The following DSCAML1 variants were observed in gnomAD, a reference collection of about 807,000 sequenced individuals.
The protein encoded by DSCAML1 is DS cell adhesion molecule like 1.
DSCAML1 carries 38 observed loss-of-function variants against 200.5 expected under a neutral mutation model. The observed-to-expected ratio is 0.19, with a 90% CI of 0.15 to 0.25. The LOEUF is 0.25. DSCAML1 is among the 10% of genes least tolerant of loss of function. DSCAML1 has a pLI of 1.00. For missense variants in DSCAML1, 2,223 were observed against 2,858.8 expected (o/e 0.78, Z 5.07); for synonymous variants, 1,215 against 1,165.0 (o/e 1.04, Z -0.87).
At chr11:117,582,161 C>T (rs926111250) in intron 3 of DSCAML1, among the ~76,000 whole-genome samples, 2 of 152,230 alleles carry the variant, frequency 1.3e-5, no homozygotes, top group African/African-American at 4.8e-5. Context: ...CAGAATCAGC[C>T]TGGTTTCTTC....
chr11:117,593,370 G>C (rs1374714512), intron 3 of DSCAML1, among the ~76,000 whole-genome samples: 1 of 152,240 alleles, frequency 6.6e-6, no homozygotes, highest in African/African-American at 2.4e-5. Flanking sequence ...GCTGGGGCCT[G>C]GGGGCCTGGG....
chr11:117,475,500 T>A (rs189108462), intron 14 of DSCAML1, among the ~76,000 whole-genome samples: 2 of 152,314 alleles, frequency 1.3e-5, no homozygotes, highest in Admixed American at 1.3e-4. Flanking sequence ...GTCCACAGTA[T>A]CTTCTTTCAA....
chr11:117,571,711 G>C (rs2050850382), intron 3 of DSCAML1, among the ~76,000 whole-genome samples: 1 of 152,224 alleles, frequency 6.6e-6, no homozygotes. Flanking sequence ...ATTTGAACCA[G>C]AGCAACTCCA....
At chr11:117,471,723 G>A in intron 15 of DSCAML1, 146 bp downstream of exon 15, 1 of 729,034 alleles carries the variant, frequency 1.4e-6, no homozygotes, top group Non-Finnish European at 2.0e-6. Context: ...GTGATCCAGA[G>A]GTGGACACAA....
At position 117,558,726 on chromosome 11, in the gene DSCAML1, T is replaced by C. The variant is rs566890641; in HGVS notation, c.512-26204A>G. Among the ~76,000 whole-genome samples, 5 of 152,264 alleles carry C rather than the reference T, an allele frequency of 3.3e-5. No individual in the cohort carries two copies. In the East Asian group the frequency reaches 9.7e-4, roughly 29 times the overall value. ...AGAGCCAAGCTCCCCGAAAAAGAAA[T>C]TCCTAGCCCTTTTAAGGGCTTACAA... is the stretch of plus-strand genomic sequence containing the variant. On this transcript the variant is annotated intron_variant, in intron 3 of 32. Coordinates refer to ENST00000651296, the MANE Select transcript of DSCAML1 (RefSeq NM_020693.4).
At chr11:117,522,845 G>GGGAGAGGCTGT (rs1174276516) in intron 5 of DSCAML1, among the ~76,000 whole-genome samples, 4 of 152,184 alleles carry the variant, frequency 2.6e-5, no homozygotes, top group Non-Finnish European at 4.4e-5. Context: ...GAACCTGGCA[G>GGGAGAGGCTGT]GGAGAGGCTG....
chr11:117,524,363 G>C (rs1338293711), intron 5 of DSCAML1, among the ~76,000 whole-genome samples: 1 of 152,170 alleles, frequency 6.6e-6, no homozygotes, highest in Non-Finnish European at 1.5e-5. Flanking sequence ...CCTAGGATTG[G>C]GATGTATGTC....
chr11:117,749,077 T>A (rs2054560814), intron 3 of DSCAML1, among the ~76,000 whole-genome samples: 1 of 152,192 alleles, frequency 6.6e-6, no homozygotes, highest in African/African-American at 2.4e-5. Flanking sequence ...CTTTCTCTTG[T>A]GCAGGTAGAA....
intron 3 of DSCAML1, among the ~76,000 whole-genome samples, chr11:117,617,979 G>A (rs539674875): frequency 2.0e-4 from 31 of 152,236 alleles, no homozygotes; most frequent in Middle Eastern, 3.4e-3. Context: ...GCAAAGACTC[G>A]TAATAAACTA....
At chr11:117,701,201 G>C (rs2053661529) in intron 3 of DSCAML1, among the ~76,000 whole-genome samples, 1 of 152,154 alleles carries the variant, frequency 6.6e-6, no homozygotes, top group South Asian at 2.1e-4. Flanking sequence ...GGAAGGCAGA[G>C]GCTGCAGTGA....
chr11:117,552,998 T>C (rs530904613), intron 3 of DSCAML1, among the ~76,000 whole-genome samples: 1 of 152,328 alleles, frequency 6.6e-6, no homozygotes, highest in South Asian at 2.1e-4. Flanking sequence ...TTCCCTTTCT[T>C]ACAAATGTTT....
chr11:117,452,940 A>AT (rs575883213), intron 19 of DSCAML1, among the ~76,000 whole-genome samples: 100 of 151,598 alleles, frequency 6.6e-4, no homozygotes, highest in African/African-American at 2.0e-3. Flanking sequence ...CTTTATTTTC[A>AT]TTTTTTTTGA....
chr11:117,782,811 C>T (rs2055287347), intron 1 of DSCAML1, among the ~76,000 whole-genome samples: 1 of 152,112 alleles, frequency 6.6e-6, no homozygotes, highest in Admixed American at 6.5e-5. Context: ...TTTAATATAA[C>T]ACTAAGAGAC....
intron 3 of DSCAML1, among the ~76,000 whole-genome samples, chr11:117,568,497 C>T (rs1173993098): frequency 6.6e-6 from 1 of 152,108 alleles, no homozygotes; most frequent in Non-Finnish European, 1.5e-5. Context: ...CCCAAAATCT[C>T]CTTAAGCTGA....
chr11:117,592,439 G>T (rs1479032146), intron 3 of DSCAML1, among the ~76,000 whole-genome samples: 3 of 152,032 alleles, frequency 2.0e-5, no homozygotes, highest in Admixed American at 2.0e-4. Flanking sequence ...TCTTCCATTT[G>T]CCTGGAAGCC....
intron 18 of DSCAML1, among the ~76,000 whole-genome samples, chr11:117,460,783 G>GC (rs2048465064): frequency 6.6e-6 from 1 of 151,988 alleles, no homozygotes; most frequent in African/African-American, 2.4e-5. Flanking sequence ...GCACCTCTCT[G>GC]CCCTTCTCTG....
chr11:117,714,334 A>G (rs2053908443), intron 3 of DSCAML1, among the ~76,000 whole-genome samples: 1 of 152,188 alleles, frequency 6.6e-6, no homozygotes, highest in Non-Finnish European at 1.5e-5. Context: ...CCAAATATTT[A>G]TTAGAGCCCT....
intron 3 of DSCAML1, among the ~76,000 whole-genome samples, chr11:117,706,069 G>T (rs2053754296): frequency 6.6e-6 from 1 of 152,048 alleles, no homozygotes; most frequent in South Asian, 2.1e-4. Flanking sequence ...GGCCTAATGA[G>T]CTTTGTTTTG....
intron 11 of DSCAML1, among the ~76,000 whole-genome samples, chr11:117,491,829 G>A (rs758768419): frequency 9.9e-5 from 15 of 152,116 alleles, no homozygotes; most frequent in East Asian, 3.8e-4. Flanking sequence ...AGTAGACATC[G>A]AAGTAGAATC....
Sources: gnomAD v4.1 joint callset for allele counts (sites outside exome capture counted in the v4.1 genomes callset) on GRCh38, gnomAD v4.1.1 for gene constraint, MANE v1.5 for transcripts, NCBI Gene and HGNC (gene_info 2026-07-23, HGNC 2026-07-21) for gene names.